Variants in TMEM132B observed in about 807,000 individuals in gnomAD.
TMEM132B encodes the protein transmembrane protein 132B.
TMEM132B carries 18 observed loss-of-function variants against 90.8 expected under a neutral mutation model. The observed-to-expected ratio is 0.20, with a 90% CI of 0.14 to 0.29. The LOEUF (loss-of-function observed/expected upper bound fraction) is 0.29, where lower values mean the gene tolerates loss of function less well. Ranked by LOEUF, TMEM132B falls within the 10% of genes least tolerant of loss-of-function variation. TMEM132B has a pLI of 1.00. For synonymous variants in TMEM132B, 504 were observed against 523.3 expected, an observed-to-expected ratio of 0.96 and a Z score of 0.50; for missense variants, 1,096 against 1,326.8, an observed-to-expected ratio of 0.83 and a Z score of 2.70.
At position 125,243,721 on chromosome 12, in the gene TMEM132B, G is replaced by A. The variant is rs530671160; in HGVS notation, c.67+56855G>A. 6.2e-4 allele frequency among the ~76,000 whole-genome samples: 94 copies of A among 152,164 alleles called. No individual in the cohort carries two copies. The Middle Eastern group carries it at 0.01, about 17-fold the overall frequency. ...AGCCCTTTCCCCCCATCCCTCTTCC[G>A]TCATAGTCCCCAATGTCTGTTGTTC... On this transcript the variant is annotated intron_variant, in intron 1 of 8. Coordinates refer to ENST00000682704, the MANE Select transcript of TMEM132B (RefSeq NM_001366854.1).
At chr12:125,357,212 G>A (rs1877806697) in intron 2 of TMEM132B, among the ~76,000 whole-genome samples, 1 of 152,172 alleles carries the variant, frequency 6.6e-6, no homozygotes, top group Non-Finnish European at 1.5e-5. Context: ...CATAAATATT[G>A]AAAGTTAGGA....
At chr12:125,249,614 C>T (rs1470703033) in intron 1 of TMEM132B, among the ~76,000 whole-genome samples, 3 of 152,176 alleles carry the variant, frequency 2.0e-5, no homozygotes, top group Non-Finnish European at 4.4e-5. Context: ...CTTTTACAAA[C>T]GCAGCTGTCT....
intron 1 of TMEM132B, among the ~76,000 whole-genome samples, chr12:125,259,696 A>G (rs1433847249): frequency 6.6e-6 from 1 of 152,150 alleles, no homozygotes; most frequent in Non-Finnish European, 1.5e-5. Flanking sequence ...ATAAAGATAA[A>G]TGTGTCTGGA....
intron 1 of TMEM132B, among the ~76,000 whole-genome samples, chr12:125,304,984 G>A (rs143233053): frequency 5.6e-4 from 86 of 152,240 alleles, no homozygotes; most frequent in African/African-American, 8.4e-4. Flanking sequence ...TGGAGCCATC[G>A]TCTTGTTGGA....
At chr12:125,243,462 A>G (rs1220987579) in intron 1 of TMEM132B, among the ~76,000 whole-genome samples, 1 of 152,032 alleles carries the variant, frequency 6.6e-6, no homozygotes, top group Non-Finnish European at 1.5e-5. Context: ...GCCCGCCAAC[A>G]TGCCTGGCTA....
chr12:125,401,721 G>A (rs1879327173), intron 2 of TMEM132B, among the ~76,000 whole-genome samples: 1 of 152,072 alleles, frequency 6.6e-6, no homozygotes, highest in Admixed American at 6.6e-5. Context: ...AAGCTAGAAG[G>A]GTGTGATGGA....
At chr12:125,560,658 T>TA (rs1274048546) in intron 4 of TMEM132B, among the ~76,000 whole-genome samples, 3 of 149,328 alleles carry the variant, frequency 2.0e-5, no homozygotes, top group Non-Finnish European at 4.5e-5. Context: ...CCGTCTCTAC[T>TA]AAAAAAAATA....
chr12:125,406,671 A>G lies in TMEM132B; in HGVS notation c.960-8860A>G, dbSNP rs2136330985. Among the ~76,000 whole-genome samples the G allele has an allele frequency of 6.6e-6, 1 of 151,904 alleles. No individual in the cohort carries two copies. The highest frequency in any genetic ancestry group is 2.1e-4 in the South Asian group (1 of 4,792). On this transcript the variant is annotated intron_variant, in intron 2 of 8. Transcript: ENST00000682704. The surrounding 1 kb of genome is among the most constrained non-coding windows in gnomAD (Gnocchi z 8.3). The stretch of plus-strand genomic sequence containing the variant: ...TTCTAATTGCACGCTTCCTTCTCCA[A>G]CCCCCGCCCATGGCAGACAGTGAAA...
chr12:125,392,692 G>A (rs1223064504), intron 2 of TMEM132B, among the ~76,000 whole-genome samples: 1 of 152,218 alleles, frequency 6.6e-6, no homozygotes, highest in Non-Finnish European at 1.5e-5. Flanking sequence ...CACCTCCTGG[G>A]AGGAGTTGCA....
chr12:125,462,087 A>C (rs1013498590), intron 3 of TMEM132B, among the ~76,000 whole-genome samples: 1 of 152,136 alleles, frequency 6.6e-6, no homozygotes, highest in African/African-American at 2.4e-5. Flanking sequence ...ATGGCAGTCA[A>C]CTCCATCTGA....
intron 3 of TMEM132B, among the ~76,000 whole-genome samples, chr12:125,506,065 A>G (rs1035076564): frequency 6.6e-6 from 1 of 152,268 alleles, no homozygotes. Flanking sequence ...ATATATATGA[A>G]TGTTTACAAC....
chr12:125,642,577 T>G (rs1384773348), intron 5 of TMEM132B, among the ~76,000 whole-genome samples: 1 of 152,220 alleles, frequency 6.6e-6, no homozygotes, highest in East Asian at 1.9e-4. Context: ...TTTAGACTGC[T>G]AAGTTCTGAC....
At chr12:125,519,912 G>A (rs1883265555) in intron 4 of TMEM132B, among the ~76,000 whole-genome samples, 1 of 152,164 alleles carries the variant, frequency 6.6e-6, no homozygotes, top group Admixed American at 6.5e-5. Flanking sequence ...GTGCTGCGCT[G>A]AGTGAAAACA....
chr12:125,430,319 C>G (rs573035598), intron 3 of TMEM132B, among the ~76,000 whole-genome samples: 92 of 152,246 alleles, frequency 6.0e-4, no homozygotes, highest in Non-Finnish European at 1.0e-3. Flanking sequence ...CATCATTGAT[C>G]AGAATTTCAC....
chr12:125,419,736 A>ACAGTTCAAAGTCCTC (rs1339839491), intron 3 of TMEM132B, among the ~76,000 whole-genome samples: 1 of 152,202 alleles, frequency 6.6e-6, no homozygotes, highest in African/African-American at 2.4e-5. Flanking sequence ...TCAAAAGTCC[A>ACAGTTCAAAGTCCTC]CAGTTCAAAG....
chr12:125,567,500 A>C (rs576256948), intron 4 of TMEM132B, among the ~76,000 whole-genome samples: 1 of 152,054 alleles, frequency 6.6e-6, no homozygotes, highest in South Asian at 2.1e-4. Context: ...TAACCAAAGG[A>C]CTGGGGACCA....
At chr12:125,584,822 C>T (rs1243732846) in intron 5 of TMEM132B, 1 of 152,164 alleles carries the variant, frequency 6.6e-6, no homozygotes, top group South Asian at 2.1e-4. Context: ...GCAGCAGAGA[C>T]CTCAGGGAGA....
At chr12:125,245,544 G>A (rs2136097333) in intron 1 of TMEM132B, among the ~76,000 whole-genome samples, 1 of 152,244 alleles carries the variant, frequency 6.6e-6, no homozygotes, top group Non-Finnish European at 1.5e-5. Flanking sequence ...GGCTTCGATG[G>A]GGCCTGTGCA....
In TMEM132B at chr12:125,454,392, T is replaced by TTTGTGTGTG. The variant is rs1566041169; in HGVS notation, c.1106+38716_1106+38717insTGTGTGTGT. 4.4e-3 allele frequency among the ~76,000 whole-genome samples: 491 copies of TTTGTGTGTG among 112,072 alleles called. 3 individuals are homozygous for TTTGTGTGTG. The highest frequency in any genetic ancestry group is 7.6e-3 in the African/African-American group (269 of 35,192). The allele number at this position is 112,072 out of a possible 152,430, so 73.5% of individuals were successfully genotyped here. ...CAGCCAGCCGTGTGTGTGTGTGTGT[T>TTTGTGTGTG]TGTGTGTGTGTGTGTGTGTGTGTGT... On this transcript the variant is annotated intron_variant, in intron 3 of 8. Transcript: ENST00000682704.
Sources: gnomAD v4.1 joint callset for allele counts (sites outside exome capture counted in the v4.1 genomes callset) on GRCh38, gnomAD v4.1.1 for gene constraint, Gnocchi (gnomAD v3.1) non-coding constraint, MANE v1.5 for transcripts, NCBI Gene and HGNC (gene_info 2026-07-23, HGNC 2026-07-21) for gene names.